The following KCNIP1 variants were observed in gnomAD, a reference collection of about 807,000 sequenced individuals.
KCNIP1 encodes potassium voltage-gated channel interacting protein 1.
A neutral mutation model predicts 33.0 loss-of-function variants in KCNIP1; 18 were observed. That is an observed-to-expected ratio of 0.55 (90% CI 0.38 to 0.81). The LOEUF (loss-of-function observed/expected upper bound fraction) is 0.81, where lower values mean the gene tolerates loss of function less well. KCNIP1 is among the 30% of genes least tolerant of loss of function. The probability of loss-of-function intolerance (pLI) is 0.00; values close to 1 mark genes in which losing one functional copy is unlikely to be tolerated. For synonymous variants in KCNIP1, 93 were observed against 98.3 expected (o/e 0.95, Z 0.32); for missense variants, 238 against 271.6 (o/e 0.88, Z 0.87).
chr5:170,426,175 C>G (rs2113438338), intron 1 of KCNIP1, among the ~76,000 whole-genome samples: 1 of 152,162 alleles, frequency 6.6e-6, no homozygotes, highest in South Asian at 2.1e-4. Context: ...GACTGGTTCT[C>G]TTAGGCCCCT....
At position 170,451,592 on chromosome 5, in the gene KCNIP1, AT is replaced by A. The variant is rs1297490309; in HGVS notation, c.88+97629del. Among the ~76,000 whole-genome samples, 9 of 148,874 alleles carry A rather than the reference AT, an allele frequency of 6.0e-5. No homozygotes were observed. The East Asian group carries it at 9.8e-4, about 16-fold the overall frequency. The stretch of plus-strand genomic sequence containing the variant: ...AACCTGAACTTGCAAAAAAAAAAAA[AT>A]ACCTAATTAAACAATTTCTGCAAGC... On this transcript the variant is annotated intron_variant, in intron 1 of 7. Coordinates refer to the KCNIP1 transcript ENST00000377360.
intron 1 of KCNIP1, among the ~76,000 whole-genome samples, chr5:170,394,529 G>A (rs752373128): frequency 6.6e-6 from 1 of 152,138 alleles, no homozygotes; most frequent in Non-Finnish European, 1.5e-5. Flanking sequence ...ATTTTCCCAT[G>A]CCATGAAACA....
chr5:170,651,602 C>G (rs546369824), intron 1 of KCNIP1, among the ~76,000 whole-genome samples: 1 of 152,184 alleles, frequency 6.6e-6, no homozygotes, highest in Non-Finnish European at 1.5e-5. Flanking sequence ...GCCACCCCCC[C>G]AGCTGATTGT....
At chr5:170,623,880 C>G (rs921800713) in intron 1 of KCNIP1, among the ~76,000 whole-genome samples, 3 of 152,180 alleles carry the variant, frequency 2.0e-5, no homozygotes, top group Non-Finnish European at 4.4e-5. Flanking sequence ...CAAATCTATT[C>G]TCAGCAGGAG....
chr5:170,598,411 G>T (rs1337712425), intron 1 of KCNIP1, among the ~76,000 whole-genome samples: 1 of 152,174 alleles, frequency 6.6e-6, no homozygotes, highest in Non-Finnish European at 1.5e-5. Flanking sequence ...CCTTGAGCTG[G>T]ACACCTGGCT....
chr5:170,521,817 T>C (rs954686127), intron 1 of KCNIP1, among the ~76,000 whole-genome samples: 3 of 152,206 alleles, frequency 2.0e-5, no homozygotes, highest in Non-Finnish European at 4.4e-5. Context: ...TAAACCCCAA[T>C]ATTGCAGTAG....
chr5:170,676,359 G>T (rs1024518802), intron 1 of KCNIP1, among the ~76,000 whole-genome samples: 1 of 152,080 alleles, frequency 6.6e-6, no homozygotes, highest in Admixed American at 6.5e-5. Flanking sequence ...AAGAACACAC[G>T]AATCATTTTC....
At chr5:170,494,491 G>A (rs1757272079) in intron 1 of KCNIP1, among the ~76,000 whole-genome samples, 1 of 152,200 alleles carries the variant, frequency 6.6e-6, no homozygotes, top group African/African-American at 2.4e-5. Flanking sequence ...GTTCCCACAG[G>A]CACTCTTGGG....
intron 1 of KCNIP1, among the ~76,000 whole-genome samples, chr5:170,625,396 G>T (rs1460932556): frequency 6.6e-6 from 1 of 152,166 alleles, no homozygotes; most frequent in Non-Finnish European, 1.5e-5. Flanking sequence ...CACGTCTGCA[G>T]CTCAGGACCC....
At chr5:170,426,854 A>C (rs1755626655) in intron 1 of KCNIP1, among the ~76,000 whole-genome samples, 2 of 152,276 alleles carry the variant, frequency 1.3e-5, no homozygotes, top group Non-Finnish European at 2.9e-5. Context: ...CTGCAGAAAG[A>C]AAGCCATGTT....
At chr5:170,524,837 G>T in intron 1 of KCNIP1, among the ~76,000 whole-genome samples, 1 of 152,202 alleles carries the variant, frequency 6.6e-6, no homozygotes, top group East Asian at 1.9e-4. Context: ...CTGGCATGGA[G>T]CAGACAGCTC....
chr5:170,462,264 C>CAAAA (rs760686464), intron 1 of KCNIP1, among the ~76,000 whole-genome samples: 30 of 51,786 alleles, frequency 5.8e-4, no homozygotes, highest in Middle Eastern at 0.016. Flanking sequence ...AACAAATTAG[C>CAAAA]AAAAAAAAAA....
chr5:170,537,891 C>A (rs1420524903), intron 1 of KCNIP1, among the ~76,000 whole-genome samples: 2 of 152,226 alleles, frequency 1.3e-5, no homozygotes, highest in Non-Finnish European at 2.9e-5. Flanking sequence ...ATTCCCCAAT[C>A]TGAGGGTGCC....
At chr5:170,721,720 A>T in intron 3 of KCNIP1, 113 bp from the exon 4 acceptor site, 2 of 1,612,432 alleles carry the variant, frequency 1.2e-6, no homozygotes, top group Non-Finnish European at 1.7e-6. Context: ...TCTCCTTTCC[A>T]TCACCCTAGC....
At chr5:170,423,701 T>C (rs1028016333) in intron 1 of KCNIP1, among the ~76,000 whole-genome samples, 2 of 152,230 alleles carry the variant, frequency 1.3e-5, no homozygotes, top group African/African-American at 4.8e-5. Context: ...CATTCTCAAA[T>C]GGGCTCTTCA....
At chr5:170,582,288 C>T (rs1422568641) in intron 1 of KCNIP1, among the ~76,000 whole-genome samples, 1 of 152,198 alleles carries the variant, frequency 6.6e-6, no homozygotes, top group Non-Finnish European at 1.5e-5. Flanking sequence ...TGGCAGGTGG[C>T]TCCACCATAT....
chr5:170,570,101 G>A (rs1047473921), intron 1 of KCNIP1, among the ~76,000 whole-genome samples: 1 of 152,178 alleles, frequency 6.6e-6, no homozygotes. Flanking sequence ...CCAGCCCAGC[G>A]TGGACTTCAG....
chr5:170,573,221 G>T (rs1342842977), intron 1 of KCNIP1, among the ~76,000 whole-genome samples: 1 of 152,178 alleles, frequency 6.6e-6, no homozygotes, highest in African/African-American at 2.4e-5. Flanking sequence ...GGTAATATTG[G>T]TACTTTAATT....
chr5:170,721,017 G>A (rs1408124446), intron 3 of KCNIP1, among the ~76,000 whole-genome samples: 4 of 152,202 alleles, frequency 2.6e-5, no homozygotes, highest in Non-Finnish European at 5.9e-5. Context: ...CATGGGCCTG[G>A]GACCACATCG....
Sources: allele counts gnomAD v4.1 joint callset (sites outside exome capture counted in the v4.1 genomes callset), GRCh38; gene constraint gnomAD v4.1.1; transcripts MANE v1.5; gene names NCBI Gene and HGNC (gene_info 2026-07-23, HGNC 2026-07-21).